The following CRHR2 variants were observed in gnomAD, a reference collection of about 807,000 sequenced individuals.
CRHR2 encodes the protein corticotropin releasing hormone receptor 2, also known as corticotropin-releasing hormone receptor 2.
CRHR2 carries 53 observed loss-of-function variants against 57.9 expected under a neutral mutation model. That is an observed-to-expected ratio of 0.92 (90% CI 0.73 to 1.15). The LOEUF (loss-of-function observed/expected upper bound fraction) is 1.15. Ranked by LOEUF, CRHR2 falls within the 50% of genes most tolerant of loss-of-function variation. CRHR2 has a pLI of 0.00. For synonymous variants in CRHR2, 213 were observed against 220.9 expected (o/e 0.96, Z 0.32); for missense variants, 532 against 542.6 (o/e 0.98, Z 0.19).
intron 9 of CRHR2, 24 bp downstream of exon 9, chr7:30,655,903 G>A (rs1427335083): frequency 2.5e-6 from 4 of 1,612,298 alleles, no homozygotes; most frequent in Non-Finnish European, 2.5e-6. Flanking sequence ...CCCCATTGTG[G>A]GGTCAAGGGA....
intron 1 of CRHR2, among the ~76,000 whole-genome samples, chr7:30,694,880 G>A (rs531542542): frequency 7.6e-4 from 105 of 138,362 alleles, no homozygotes; most frequent in African/African-American, 2.9e-3. Context: ...AGGAGGAGCA[G>A]GGAGGAGAGG....
intron 1 of CRHR2, among the ~76,000 whole-genome samples, chr7:30,692,137 A>C (rs1042952404): frequency 1.3e-5 from 2 of 152,184 alleles, no homozygotes; most frequent in Admixed American, 6.5e-5. Flanking sequence ...CATTCAACAA[A>C]TTACTGTAGG....
intron 2 of CRHR2, among the ~76,000 whole-genome samples, chr7:30,671,668 G>A (rs939684741): frequency 1.4e-4 from 21 of 151,302 alleles, no homozygotes; most frequent in Non-Finnish European, 8.8e-5. Flanking sequence ...ATAGCCAGGC[G>A]TGGTGGTGTG....
chr7:30,692,275 T>C (rs1443641071), intron 1 of CRHR2, among the ~76,000 whole-genome samples: 1 of 152,148 alleles, frequency 6.6e-6, no homozygotes, highest in Non-Finnish European at 1.5e-5. Context: ...AAGGCCCAGC[T>C]CAAGCTCTTC....
At chr7:30,698,635 C>T (rs1327768503) in intron 1 of CRHR2, among the ~76,000 whole-genome samples, 1 of 152,208 alleles carries the variant, frequency 6.6e-6, no homozygotes, top group African/African-American at 2.4e-5. Flanking sequence ...CTATCGGACA[C>T]TGACCACAGC....
chr7:30,689,735 A>AAAG (rs1176720059), intron 1 of CRHR2, among the ~76,000 whole-genome samples: 1 of 152,176 alleles, frequency 6.6e-6, no homozygotes, highest in Admixed American at 6.5e-5. Flanking sequence ...CCAGGTAGGG[A>AAAG]TCCTCTAGAC....
chr7:30,693,549 T>C (rs1366724018), intron 1 of CRHR2, among the ~76,000 whole-genome samples: 1 of 152,216 alleles, frequency 6.6e-6, no homozygotes, highest in Non-Finnish European at 1.5e-5. Context: ...GTGATAGACT[T>C]TAAAATAAAC....
intron 1 of CRHR2, among the ~76,000 whole-genome samples, chr7:30,693,504 G>A (rs1205508210): frequency 6.6e-6 from 1 of 152,218 alleles, no homozygotes; most frequent in African/African-American, 2.4e-5. Context: ...CTTGGCCTGT[G>A]TGCCTCTCCA....
upstream of CRHR2, chr7:30,682,478 C>A (rs574929798): frequency 7.6e-7 from 1 of 1,324,036 alleles, no homozygotes; most frequent in South Asian, 2.0e-5. Flanking sequence ...CGGAGAGGAG[C>A]CGCCGAGTGC....
chr7:30,686,388 C>G (rs1439660452), upstream of CRHR2: 2 of 1,530,350 alleles, frequency 1.3e-6, no homozygotes, highest in African/African-American at 2.7e-5. Flanking sequence ...AGGACAGATA[C>G]CTTGGCAGAA....
intron 11 of CRHR2, 80 bp downstream of exon 11, chr7:30,654,959 G>A (rs1783722885): frequency 1.3e-6 from 2 of 1,576,438 alleles, no homozygotes; most frequent in Non-Finnish European, 1.7e-6. Context: ...AGCAAGGCCG[G>A]GCAGCACCAA....
At chr7:30,655,461 G>A (rs1488067203) in intron 10 of CRHR2, 119 bp downstream of exon 10, 15 of 1,274,942 alleles carry the variant, frequency 1.2e-5, no homozygotes, top group Non-Finnish European at 1.4e-5. Flanking sequence ...TTCTAACTCT[G>A]TGGATGTAAC....
At chr7:30,685,518 G>T (rs1367555446), upstream of CRHR2, among the ~76,000 whole-genome samples, 1 of 152,190 alleles carries the variant, frequency 6.6e-6, no homozygotes, top group Non-Finnish European at 1.5e-5. Context: ...AGAGGTTCCA[G>T]AGGGGCCTGA....
chr7:30,665,688 G>A lies in CRHR2; in HGVS notation c.316-49C>T. 2.0e-6 allele frequency: 3 copies of A among 1,469,950 alleles called. No individual in the cohort carries two copies. Among genetic ancestry groups the A allele is most frequent in the Non-Finnish European group, 1.9e-6 (2 of 1,074,914 alleles). 91.1% of individuals were successfully genotyped at this position (1,469,950 alleles called of 1,614,324 possible). ...GCAGATGGAGGCATGGGCACGTGGG[G>A]GTGGGGCTGGGTATTCCAGCCGTGG... On this transcript the variant is annotated intron_variant, in intron 3 of 11. Coordinates refer to ENST00000471646, the MANE Select transcript of CRHR2 (RefSeq NM_001883.5). The surrounding 1 kb of genome is among the most constrained non-coding windows in gnomAD (Gnocchi z 4.5).
At position 30,665,579 on chromosome 7, in the gene CRHR2, C is replaced by T. The variant is rs201038501; in HGVS notation, c.376G>A (p.Val126Ile). Residue 126 changes from valine (V) to isoleucine (I), a missense_variant, in exon 4 of 12, where the codon GTA becomes ATA. Transcript: ENST00000471646. The surrounding 1 kb of genome is among the most constrained non-coding windows in gnomAD (Gnocchi z 4.5). ...GCGGCCACCAGGGCTGCCACAGATA[C>T]GCAGTGGCCCAGGTAGTTGACGACA... is the stretch of plus-strand genomic sequence containing the variant. ...ALVVNYLGHC[V>I]SVAALVAAFL... The T allele has an allele frequency of 2.9e-4, 446 of 1,564,550 alleles. 3 individuals carry two copies. In the South Asian group the frequency reaches 3.6e-3, roughly 13 times the overall value.
chr7:30,654,700 G>C lies in CRHR2; in HGVS notation c.1095+339C>G, dbSNP rs1409987096. ...CTGCTCCCTGAGTCCATACAGACCT[G>C]ATTGCTTGGCACACATCTCTTTCTG... On this transcript the variant is annotated intron_variant, in intron 11 of 11. Transcript: ENST00000471646. The C allele has an allele frequency of 5.2e-6, 8 of 1,536,142 alleles. No individual in the cohort carries two copies. In the South Asian group the frequency reaches 9.5e-5, roughly 18 times the overall value.
intron 11 of CRHR2, among the ~76,000 whole-genome samples, chr7:30,654,330 G>A (rs763187230): frequency 5.3e-5 from 8 of 152,234 alleles, no homozygotes; most frequent in South Asian, 2.1e-4. Flanking sequence ...CACAGGACCC[G>A]TCTCTGCTGA....
At chr7:30,664,453 C>T (rs1784113620) in intron 5 of CRHR2, among the ~76,000 whole-genome samples, 2 of 152,188 alleles carry the variant, frequency 1.3e-5, no homozygotes, top group Admixed American at 1.3e-4. Flanking sequence ...AAAATGATCC[C>T]TGCTGGTCTC....
chr7:30,694,248 G>GC, intron 1 of CRHR2, among the ~76,000 whole-genome samples: 1 of 152,316 alleles, frequency 6.6e-6, no homozygotes, highest in South Asian at 2.1e-4. Flanking sequence ...TTTGCTCTGA[G>GC]CCTAGCCTGT....
Sources: allele counts gnomAD v4.1 joint callset (sites outside exome capture counted in the v4.1 genomes callset), GRCh38; gene constraint gnomAD v4.1.1; non-coding constraint Gnocchi (gnomAD v3.1); transcripts MANE v1.5; gene names NCBI Gene and HGNC (gene_info 2026-07-23, HGNC 2026-07-21).